Variants in NFIA observed in about 807,000 individuals in gnomAD.
The protein encoded by NFIA is nuclear factor 1 A-type.
Under a neutral mutation model 62.8 loss-of-function variants are expected in NFIA, and 8 were observed. The ratio of observed to expected loss-of-function variants is 0.13; its 90% CI spans 0.07 to 0.23. The LOEUF (loss-of-function observed/expected upper bound fraction) is 0.23. NFIA is among the 10% of genes least tolerant of loss of function. The pLI is 1.00. For missense variants in NFIA, 410 were observed against 642.1 expected, an observed-to-expected ratio of 0.64 and a Z score of 3.91; for synonymous variants, 235 against 238.1, an observed-to-expected ratio of 0.99 and a Z score of 0.12.
intron 2 of NFIA, among the ~76,000 whole-genome samples, chr1:61,154,162 A>C (rs1648626172): frequency 6.6e-6 from 1 of 151,926 alleles, no homozygotes; most frequent in African/African-American, 2.4e-5. Context: ...TTTTTTATTT[A>C]TTTTTGAGGT....
chr1:61,330,814 A>G (rs936426856), intron 3 of NFIA, among the ~76,000 whole-genome samples: 6 of 152,260 alleles, frequency 3.9e-5, no homozygotes, highest in African/African-American at 1.4e-4. Context: ...CTGGAGATCA[A>G]CCCAGATTTT....
intron 2 of NFIA, among the ~76,000 whole-genome samples, chr1:61,220,698 T>C (rs1653963496): frequency 6.6e-6 from 1 of 152,202 alleles, no homozygotes; most frequent in South Asian, 2.1e-4. Context: ...AGGCCTTTCT[T>C]TAATACTTGG....
chr1:61,172,410 A>G (rs1184735144), intron 2 of NFIA, among the ~76,000 whole-genome samples: 1 of 152,208 alleles, frequency 6.6e-6, no homozygotes, highest in African/African-American at 2.4e-5. Flanking sequence ...TTTATTTATA[A>G]TTGGTTTTAG....
upstream of NFIA, among the ~76,000 whole-genome samples, chr1:61,077,781 GTT>G (rs1209847769): frequency 6.6e-6 from 1 of 151,474 alleles, no homozygotes; most frequent in Non-Finnish European, 1.5e-5. Flanking sequence ...TATTGTGATG[GTT>G]TTGTTTTAAA....
intron 4 of NFIA, among the ~76,000 whole-genome samples, chr1:61,339,925 G>A (rs1661810414): frequency 6.6e-6 from 1 of 152,144 alleles, no homozygotes; most frequent in Non-Finnish European, 1.5e-5. Context: ...TTCGATATGT[G>A]CCCTGGCTGT....
intron 2 of NFIA, among the ~76,000 whole-genome samples, chr1:61,166,743 C>A (rs1649590479): frequency 6.6e-6 from 1 of 152,198 alleles, no homozygotes; most frequent in South Asian, 2.1e-4. Context: ...GCTCTCTCAG[C>A]ATGATTATTG....
At chr1:61,162,579 C>T (rs1649288212) in intron 2 of NFIA, among the ~76,000 whole-genome samples, 1 of 152,164 alleles carries the variant, frequency 6.6e-6, no homozygotes, top group Non-Finnish European at 1.5e-5. Flanking sequence ...GTTCCACGGG[C>T]ACTATCCGTA....
rs868180419 is a variant in NFIA at position 61,241,320 on chromosome 1, T to C, written c.560-36200T>C. Among the ~76,000 whole-genome samples the C allele has an allele frequency of 2.0e-5, 3 of 152,196 alleles. No homozygotes were observed. The Middle Eastern group carries it at 0.01, about 518-fold the overall frequency. On this transcript the variant is annotated intron_variant, in intron 2 of 10. Transcript: ENST00000403491. ...TCTTAAGAGCTTGTCTGTTAAAGGG[T>C]TAAAGAATTAGATTTTTAAGCTGCT... is the stretch of plus-strand genomic sequence containing the variant.
chr1:61,170,912 TAAAAAA>T (rs56336067), intron 2 of NFIA, among the ~76,000 whole-genome samples: 2 of 152,050 alleles, frequency 1.3e-5, no homozygotes, highest in Admixed American at 1.3e-4. Flanking sequence ...TTCAGTTTCA[TAAAAAA>T]AAAAGAGACA....
Position 61,159,710 on chromosome 1 carries a change from C to G in NFIA, c.559+71030C>G, listed in dbSNP as rs569172570. On this transcript the variant is annotated intron_variant, in intron 2 of 10. Transcript: ENST00000403491. ...TTTTTTTTTTTTTTTGAGATGGAGT[C>G]TTGCTCTGTTGCCCGGGCTGGAGTG... Among the ~76,000 whole-genome samples the G allele has an allele frequency of 2.4e-3, 277 of 116,536 alleles. 1 individual carries two copies. Among genetic ancestry groups the G allele is most frequent in the African/African-American group, 8.5e-3 (260 of 30,482 alleles). 76.5% of individuals were successfully genotyped at this position (116,536 alleles called of 152,430 possible).
chr1:61,397,727 C>T (rs1665350087), intron 7 of NFIA, among the ~76,000 whole-genome samples: 1 of 152,156 alleles, frequency 6.6e-6, no homozygotes, highest in African/African-American at 2.4e-5. Flanking sequence ...AAGCATAGCT[C>T]GTGATAGAGC....
intron 2 of NFIA, among the ~76,000 whole-genome samples, chr1:61,235,688 C>T (rs912246203): frequency 6.7e-6 from 1 of 149,662 alleles, no homozygotes; most frequent in African/African-American, 2.4e-5. Flanking sequence ...TGATGCACAC[C>T]TGTGGTCCTA....
chr1:61,419,772 C>T (rs1348445122), intron 9 of NFIA, among the ~76,000 whole-genome samples: 4 of 152,150 alleles, frequency 2.6e-5, no homozygotes, highest in Admixed American at 2.0e-4. Context: ...AGTTAGCATA[C>T]ACGTTAAGCA....
In NFIA at chr1:61,406,543, G is replaced by GGGGGGGGCCCC; in HGVS notation, c.1255-19_1255-18insGGGGGGGCCCC. The GGGGGGGGCCCC allele has an allele frequency of 1.1e-6, 1 of 876,654 alleles. No homozygotes were observed. Among genetic ancestry groups the GGGGGGGGCCCC allele is most frequent in the South Asian group, 2.0e-5 (1 of 49,210 alleles). The allele number at this position is 876,654 out of a possible 1,614,324, so 54.3% of individuals were successfully genotyped here. On this transcript the variant is annotated intron_variant, in intron 8 of 10. Coordinates refer to ENST00000403491, the MANE Select transcript of NFIA (RefSeq NM_001134673.4). ...TCTTTTTCTTGTACGTGTGTTTTCT[G>GGGGGGGGCCCC]CCCCCCCCCCCCCCACAGCCCAATG... is the stretch of plus-strand genomic sequence containing the variant.
At chr1:61,340,658 A>G (rs1392349772) in intron 4 of NFIA, among the ~76,000 whole-genome samples, 2 of 152,230 alleles carry the variant, frequency 1.3e-5, no homozygotes, top group South Asian at 2.1e-4. Context: ...CTGTGTGCTC[A>G]GAGCCAATCT....
chr1:61,258,131 A>G (rs1342230882), intron 2 of NFIA, among the ~76,000 whole-genome samples: 2 of 152,232 alleles, frequency 1.3e-5, no homozygotes, highest in African/African-American at 4.8e-5. Context: ...ATGTTAATAA[A>G]TAGCATCTAA....
At chr1:61,426,389 G>A (rs1477229070) in intron 9 of NFIA, 76 bp from the exon 10 acceptor site, 2 of 980,050 alleles carry the variant, frequency 2.0e-6, no homozygotes, top group African/African-American at 1.6e-5. Flanking sequence ...TCGGCTCGGA[G>A]ACTGTGTGTT....
intron 9 of NFIA, among the ~76,000 whole-genome samples, chr1:61,412,145 A>G (rs1014002890): frequency 1.3e-5 from 2 of 152,182 alleles, no homozygotes; most frequent in African/African-American, 4.8e-5. Flanking sequence ...TTTCCAATAA[A>G]TAAAATGAGC....
At chr1:61,129,881 A>G (rs1423085267) in intron 2 of NFIA, among the ~76,000 whole-genome samples, 1 of 152,194 alleles carries the variant, frequency 6.6e-6, no homozygotes, top group Non-Finnish European at 1.5e-5. Context: ...GTGGGGAGAC[A>G]TTCCTACTCC....
Sources: gnomAD v4.1 joint callset for allele counts (sites outside exome capture counted in the v4.1 genomes callset) on GRCh38, gnomAD v4.1.1 for gene constraint, MANE v1.5 for transcripts, NCBI Gene and HGNC (gene_info 2026-07-23, HGNC 2026-07-21) for gene names.